The following SNTG2 variants were observed in gnomAD, a reference collection of about 807,000 sequenced individuals.
SNTG2 encodes the protein syntrophin gamma 2.
In SNTG2, 74 loss-of-function variants were observed where a neutral mutation model predicts 70.9. The observed-to-expected ratio is 1.04, with a 90% confidence interval of 0.86 to 1.27. The LOEUF is 1.27. Among genes scored for constraint, SNTG2 ranks in the 50% most tolerant of loss-of-function variants. The pLI, the probability that SNTG2 is intolerant of heterozygous loss-of-function variation, is 0.00. For missense variants in SNTG2, 717 were observed against 690.7 expected, an observed-to-expected ratio of 1.04 and a Z score of -0.43; for synonymous variants, 278 against 273.8, an observed-to-expected ratio of 1.02 and a Z score of -0.15.
At chr2:954,549 G>C (rs951770773) in intron 1 of SNTG2, among the ~76,000 whole-genome samples, 7 of 152,142 alleles carry the variant, frequency 4.6e-5, no homozygotes, top group African/African-American at 1.7e-4. Context: ...AGTCGACTTT[G>C]GATTATTTTC....
intron 1 of SNTG2, among the ~76,000 whole-genome samples, chr2:967,812 T>G (rs1361859908): frequency 6.6e-6 from 1 of 152,190 alleles, no homozygotes; most frequent in Non-Finnish European, 1.5e-5. Context: ...ACAGATCACC[T>G]GAGGTCAGGA....
chr2:990,586 A>G (rs1387660856), intron 1 of SNTG2, among the ~76,000 whole-genome samples: 1 of 152,174 alleles, frequency 6.6e-6, no homozygotes, highest in East Asian at 1.9e-4. Context: ...TCCTAACACC[A>G]TCACATTGCA....
At chr2:1,012,615 G>A (rs1309240491) in intron 1 of SNTG2, among the ~76,000 whole-genome samples, 3,664 of 84,548 alleles carry the variant, frequency 0.043, 250 homozygotes, top group Non-Finnish European at 0.064. Flanking sequence ...GGTCTGGAAA[G>A]GGATTTATAA....
At chr2:1,284,006 G>A (rs1474954431) in intron 14 of SNTG2, among the ~76,000 whole-genome samples, 2 of 152,170 alleles carry the variant, frequency 1.3e-5, no homozygotes, top group East Asian at 1.9e-4. Context: ...AGTCCCCGCA[G>A]TGAGCCGCCG....
At chr2:1,259,002 A>C (rs1036051069) in intron 12 of SNTG2, among the ~76,000 whole-genome samples, 1 of 152,236 alleles carries the variant, frequency 6.6e-6, no homozygotes, top group African/African-American at 2.4e-5. Flanking sequence ...ATTAAATGTT[A>C]CCCAAAATTA....
intron 15 of SNTG2, among the ~76,000 whole-genome samples, chr2:1,312,431 G>A (rs1681046431): frequency 1.3e-5 from 2 of 152,118 alleles, no homozygotes. Flanking sequence ...AGAGGACATC[G>A]ACAAGAATAG....
intron 1 of SNTG2, among the ~76,000 whole-genome samples, chr2:1,074,332 A>G (rs1393048211): frequency 2.0e-5 from 3 of 152,194 alleles, no homozygotes; most frequent in Middle Eastern, 3.2e-3. Context: ...CTCCCCTGAC[A>G]TTCTTTTTGA....
At chr2:1,340,277 G>T (rs1486730324) in intron 16 of SNTG2, among the ~76,000 whole-genome samples, 1 of 152,200 alleles carries the variant, frequency 6.6e-6, no homozygotes, top group Non-Finnish European at 1.5e-5. Context: ...TGGAAGAAGG[G>T]GTGGGAAGAG....
chr2:1,065,316 A>G (rs1663078794), intron 1 of SNTG2, among the ~76,000 whole-genome samples: 1 of 152,146 alleles, frequency 6.6e-6, no homozygotes, highest in Non-Finnish European at 1.5e-5. Context: ...GTGGGTGACC[A>G]TATAGTTAAT....
intron 9 of SNTG2, among the ~76,000 whole-genome samples, chr2:1,237,671 A>G (rs925483973): frequency 6.6e-6 from 1 of 152,232 alleles, no homozygotes; most frequent in Non-Finnish European, 1.5e-5. Context: ...TTCATGTTTC[A>G]TCGAATTAGA....
At chr2:1,176,194 C>T (rs1049373768) in intron 8 of SNTG2, among the ~76,000 whole-genome samples, 6 of 152,146 alleles carry the variant, frequency 3.9e-5, no homozygotes, top group African/African-American at 1.2e-4. Context: ...AAAGCATCAT[C>T]AGGTTATTTA....
chr2:991,372 T>TACAC (rs61002101), intron 1 of SNTG2, among the ~76,000 whole-genome samples: 34,292 of 140,140 alleles, frequency 0.24, 4,144 homozygotes, highest in Middle Eastern at 0.35. Context: ...TCTGTAATAT[T>TACAC]ACACACACAC....
chr2:1,135,490 C>T (rs1018563625), intron 4 of SNTG2, among the ~76,000 whole-genome samples: 16 of 152,162 alleles, frequency 1.1e-4, no homozygotes, highest in African/African-American at 4.8e-5. Flanking sequence ...GAGGCCGAGG[C>T]GGGCAGATCA....
chr2:1,224,193 C>T (rs1675596770), intron 9 of SNTG2, among the ~76,000 whole-genome samples: 1 of 152,192 alleles, frequency 6.6e-6, no homozygotes, highest in African/African-American at 2.4e-5. Flanking sequence ...GCCTCGGGGG[C>T]TAGGATTTCA....
chr2:985,899 A>G (rs2147972377), intron 1 of SNTG2, among the ~76,000 whole-genome samples: 1 of 152,292 alleles, frequency 6.6e-6, no homozygotes, highest in South Asian at 2.1e-4. Context: ...AGTTTCATGG[A>G]CAAGAAAGAG....
intron 8 of SNTG2, 112 bp from the exon 9 acceptor site, chr2:1,208,991 C>A: frequency 3.1e-6 from 4 of 1,271,066 alleles, no homozygotes; most frequent in Non-Finnish European, 4.3e-6. Flanking sequence ...GCTTTTTTAT[C>A]AGTTGAAATG....
Position 1,016,835 on chromosome 2 carries a change from G to C in SNTG2, c.72+65767G>C, listed in dbSNP as rs139479057. On this transcript the variant is annotated intron_variant, in intron 1 of 16. Coordinates refer to ENST00000308624, the MANE Select transcript of SNTG2 (RefSeq NM_018968.4). ...CAAAATTAGGCTCTGTGTGTTGAAA[G>C]GTGAAGCTGGTACATGAATGCCCTC... Among the ~76,000 whole-genome samples, 721 of 152,258 alleles carry C rather than the reference G, an allele frequency of 4.7e-3. 4 individuals carry two copies. The highest frequency in any genetic ancestry group is 0.01 in the Middle Eastern group (3 of 294).
chr2:1,165,434 T>TATG, intron 6 of SNTG2, 114 bp from the exon 7 acceptor site: 1 of 999,334 alleles, frequency 1.0e-6, no homozygotes, highest in Non-Finnish European at 1.5e-6. Context: ...GTTTCAGAGG[T>TATG]AACTATGAAC....
At chr2:1,008,951 G>A (rs572884436) in intron 1 of SNTG2, among the ~76,000 whole-genome samples, 1 of 152,324 alleles carries the variant, frequency 6.6e-6, no homozygotes, top group East Asian at 1.9e-4. Context: ...TTGCAGGAAA[G>A]ACCTGTATGG....
Sources: gnomAD v4.1 joint callset for allele counts (sites outside exome capture counted in the v4.1 genomes callset) on GRCh38, gnomAD v4.1.1 for gene constraint, MANE v1.5 for transcripts, NCBI Gene and HGNC (gene_info 2026-07-23, HGNC 2026-07-21) for gene names.